The following MEI1 variants were observed in gnomAD, a reference collection of about 807,000 sequenced individuals.
The protein encoded by MEI1 is meiotic double-stranded break formation protein 1, also known as meiosis inhibitor protein 1.
A neutral mutation model predicts 146.2 loss-of-function variants in MEI1; 103 were observed. The observed-to-expected ratio is 0.70, with a 90% CI of 0.60 to 0.83. The LOEUF is 0.83. Among genes scored for constraint, MEI1 ranks in the 40% least tolerant of loss-of-function variants. The probability of loss-of-function intolerance (pLI) is 0.00; values close to 1 mark genes in which losing one functional copy is unlikely to be tolerated. For missense variants in MEI1, 1,529 were observed against 1,533.0 expected (o/e 1.00, Z 0.04); for synonymous variants, 652 against 628.2 (o/e 1.04, Z -0.57).
At position 41,785,043 on chromosome 22, in the gene MEI1, TCTC is replaced by T. The variant is rs565760322; in HGVS notation, c.3345+263_3345+265del. Among the ~76,000 whole-genome samples, 968 of 151,266 alleles carry T rather than the reference TCTC, an allele frequency of 6.4e-3. 4 individuals carry two copies. Among genetic ancestry groups the T allele is most frequent in the Non-Finnish European group, 0.011 (758 of 67,790 alleles). On this transcript the variant is annotated intron_variant, in intron 26 of 30. Transcript: ENST00000401548. ...CCTCCGCCTCCCGGGTTCAAGCAAT[TCTC>T]CTGCCTTAGCCTCCCGGGTAGCTGG... is the stretch of plus-strand genomic sequence containing the variant.
At chr22:41,708,574 C>T (rs1422617670) in intron 3 of MEI1, among the ~76,000 whole-genome samples, 5 of 152,140 alleles carry the variant, frequency 3.3e-5, no homozygotes, top group African/African-American at 4.8e-5. Context: ...ACTATAAAAC[C>T]CAATGAAGTC....
intron 6 of MEI1, among the ~76,000 whole-genome samples, chr22:41,721,237 CTTTTTTTTTTTTTT>C (rs984702207): frequency 4.3e-5 from 3 of 70,484 alleles, no homozygotes; most frequent in African/African-American, 1.4e-4. Context: ...CACGCCCGTT[CTTTTTTTTTTTTTT>C]TTTTTTTTTT....
At chr22:41,774,681 T>A (rs1359922667) in intron 20 of MEI1, among the ~76,000 whole-genome samples, 3 of 152,340 alleles carry the variant, frequency 2.0e-5, no homozygotes, top group South Asian at 2.1e-4. Flanking sequence ...GCAAACTGAT[T>A]AACCTGCCCC....
At chr22:41,756,411 C>T (rs975213043) in intron 17 of MEI1, among the ~76,000 whole-genome samples, 3 of 151,574 alleles carry the variant, frequency 2.0e-5, no homozygotes, top group African/African-American at 7.3e-5. Flanking sequence ...GCTAGGATTA[C>T]AGGTGTGAGC....
rs144823048 is a variant in MEI1 at position 41,770,185 on chromosome 22, G to A, written c.2269-501G>A. Among the ~76,000 whole-genome samples the A allele has an allele frequency of 1.2e-3, 179 of 151,708 alleles. 1 individual carries two copies. Among genetic ancestry groups the A allele is most frequent in the African/African-American group, 4.2e-3 (175 of 41,354 alleles). ...CATATCTCCCCTTCACCCCTTCTGTGCCAGGCCCTATGCTAAGTGCACAGA... is the reference window on the plus strand; with the variant it reads ...CATATCTCCCCTTCACCCCTTCTGTACCAGGCCCTATGCTAAGTGCACAGA... On this transcript the variant is annotated intron_variant, in intron 19 of 30. Coordinates refer to ENST00000401548, the MANE Select transcript of MEI1 (RefSeq NM_152513.4).
chr22:41,796,834 C>G (rs929175889), intron 30 of MEI1, among the ~76,000 whole-genome samples: 1 of 152,094 alleles, frequency 6.6e-6, no homozygotes, highest in Non-Finnish European at 1.5e-5. Context: ...GTAGTCCTAG[C>G]TACTCGGGAG....
At chr22:41,717,217 C>T (rs1034310442) in intron 5 of MEI1, among the ~76,000 whole-genome samples, 2 of 152,110 alleles carry the variant, frequency 1.3e-5, no homozygotes, top group Non-Finnish European at 2.9e-5. Flanking sequence ...GGCTACAGCG[C>T]AGTGGCATGA....
chr22:41,701,018 C>T (rs1172564777), intron 1 of MEI1, among the ~76,000 whole-genome samples: 2 of 151,344 alleles, frequency 1.3e-5, no homozygotes, highest in Non-Finnish European at 2.9e-5. Context: ...CAGCTCACCG[C>T]AACCTCCGCC....
At chr22:41,760,933 G>T (rs1158970882) in intron 18 of MEI1, among the ~76,000 whole-genome samples, 1 of 150,982 alleles carries the variant, frequency 6.6e-6, no homozygotes, top group Admixed American at 6.6e-5. Context: ...CTGGCGCCGG[G>T]CTGCCTGGCT....
chr22:41,784,889 A>AAG, intron 26 of MEI1, 106 bp downstream of exon 26: 1 of 547,154 alleles, frequency 1.8e-6, no homozygotes, highest in East Asian at 3.6e-5. Context: ...AGGGTGGATT[A>AAG]AGACTTTTTT....
At chr22:41,758,571 G>A (rs1254909155) in intron 18 of MEI1, 38 bp downstream of exon 18, 2 of 1,583,780 alleles carry the variant, frequency 1.3e-6, no homozygotes, top group African/African-American at 2.7e-5. Context: ...GGTGGGTCTT[G>A]GGACCTTCAT....
chr22:41,713,888 TACCA>T, intron 3 of MEI1, 110 bp from the exon 4 acceptor site: 1 of 810,958 alleles, frequency 1.2e-6, no homozygotes. Flanking sequence ...AAAAGTATAA[TACCA>T]ATTAGCCCAG....
At chr22:41,700,728 T>G (rs943950103) in intron 1 of MEI1, among the ~76,000 whole-genome samples, 4 of 150,266 alleles carry the variant, frequency 2.7e-5, no homozygotes, top group Non-Finnish European at 4.4e-5. Flanking sequence ...GTGGGTGGAT[T>G]GGCTAGATCA....
At chr22:41,705,686 C>A in intron 3 of MEI1, 132 bp downstream of exon 3, 4 of 660,622 alleles carry the variant, frequency 6.1e-6, no homozygotes, top group Non-Finnish European at 1.1e-5. Context: ...TTTTCAATCA[C>A]TAATTCAACA....
At position 41,732,578 on chromosome 22, in the gene MEI1, T is replaced by C. The variant is rs2071960913; in HGVS notation, c.1306T>C (p.Leu436=). Residue 436 remains leucine, a synonymous_variant, in exon 11 of 31, where the codon TTG becomes CTG. Transcript: ENST00000401548. ...TGTGCTGGAGGTGGCTGCTGAGGCC[T>C]TGAAGGCCACTTCTGCTTTTCTGAG... The part of the protein sequence containing the change: ...SPVLEVAAEA[L]KATSAFLRKD... The C allele has an allele frequency of 1.2e-6, 2 of 1,613,428 alleles. No homozygotes were observed. The highest frequency in any genetic ancestry group is 2.7e-5 in the African/African-American group (2 of 74,918).
chr22:41,712,671 GATGTGTGTGTGT>G (rs1266264758), intron 3 of MEI1, among the ~76,000 whole-genome samples: 2 of 56,212 alleles, frequency 3.6e-5, no homozygotes, highest in African/African-American at 1.4e-4. Context: ...AATAGAAATA[GATGTGTGTGTGT>G]GTGTGTGTGT....
At chr22:41,741,942 C>A (rs1235309083) in intron 11 of MEI1, among the ~76,000 whole-genome samples, 83 of 116,106 alleles carry the variant, frequency 7.1e-4, no homozygotes, top group African/African-American at 1.3e-3. Context: ...GACTCCATCT[C>A]AAAAAAAAAA....
At chr22:41,756,828 G>A (rs937777149) in intron 17 of MEI1, among the ~76,000 whole-genome samples, 7 of 152,150 alleles carry the variant, frequency 4.6e-5, no homozygotes, top group African/African-American at 1.2e-4. Context: ...AACCGTTTTC[G>A]TAAGAAATCT....
intron 11 of MEI1, among the ~76,000 whole-genome samples, chr22:41,740,717 G>A (rs2072784806): frequency 6.6e-6 from 1 of 151,700 alleles, no homozygotes; most frequent in Non-Finnish European, 1.5e-5. Flanking sequence ...GCAGCAGAGC[G>A]AGACCCTGTC....
Sources: gnomAD v4.1 joint callset for allele counts (sites outside exome capture counted in the v4.1 genomes callset) on GRCh38, gnomAD v4.1.1 for gene constraint, MANE v1.5 for transcripts, NCBI Gene and HGNC (gene_info 2026-07-23, HGNC 2026-07-21) for gene names.